Variants in XIRP2 observed in about 807,000 individuals in gnomAD.
XIRP2 encodes the protein xin actin binding repeat containing 2, also known as xin actin-binding repeat-containing protein 2.
XIRP2 carries 236 observed loss-of-function variants against 277.0 expected under a neutral mutation model. The ratio of observed to expected loss-of-function variants is 0.85; its 90% confidence interval spans 0.77 to 0.95. The LOEUF is 0.95. Ranked by LOEUF, XIRP2 falls within the 40% of genes least tolerant of loss-of-function variation. The probability of loss-of-function intolerance (pLI) is 0.00; values close to 1 mark genes in which losing one functional copy is unlikely to be tolerated. For synonymous variants in XIRP2, 1,490 were observed against 1,416.5 expected (o/e 1.05, Z -1.17); for missense variants, 4,640 against 4,157.5 (o/e 1.12, Z -3.19).
At chr2:166,977,976 C>T (rs571402397) in intron 2 of XIRP2, among the ~76,000 whole-genome samples, 1 of 152,230 alleles carries the variant, frequency 6.6e-6, no homozygotes, top group East Asian at 1.9e-4. Context: ...TACAAATTTA[C>T]AAGTATAAAT....
intron 2 of XIRP2, among the ~76,000 whole-genome samples, chr2:166,945,663 CTTTTTTT>C (rs71395267): frequency 7.2e-5 from 5 of 69,288 alleles, no homozygotes; most frequent in South Asian, 1.4e-3. Flanking sequence ...TAAGATAAAT[CTTTTTTT>C]TTTTTTTTTT....
At chr2:166,905,528 A>G (rs946827452) in intron 2 of XIRP2, among the ~76,000 whole-genome samples, 3 of 152,010 alleles carry the variant, frequency 2.0e-5, no homozygotes, top group Non-Finnish European at 2.9e-5. Flanking sequence ...AACCAGATAT[A>G]TTAAAACCAC....
At chr2:166,902,618 G>T (rs1485411621) in intron 1 of XIRP2, among the ~76,000 whole-genome samples, 2 of 151,850 alleles carry the variant, frequency 1.3e-5, no homozygotes, top group Non-Finnish European at 2.9e-5. Flanking sequence ...GTGTGTGTTT[G>T]TGTTTCTGGT....
chr2:167,013,045 T>C lies in XIRP2; in HGVS notation c.408+109155T>C, dbSNP rs1687725248. Among the ~76,000 whole-genome samples, 3 of 151,454 alleles carry C rather than the reference T, an allele frequency of 2.0e-5. No homozygotes were observed. The Admixed American group carries it at 2.0e-4, about 10-fold the overall frequency. The stretch of plus-strand genomic sequence containing the variant: ...TAAAAATTTATCAACCATCCTCCTT[T>C]TGCATTGAATCATGTGACAACTAAC... On this transcript the variant is annotated intron_variant, in intron 2 of 10. Transcript: ENST00000409195.
intron 2 of XIRP2, among the ~76,000 whole-genome samples, chr2:166,981,731 G>A (rs182215333): frequency 1.3e-5 from 2 of 152,232 alleles, no homozygotes; most frequent in African/African-American, 2.4e-5. Context: ...GACATCAGTC[G>A]TGATGGATTA....
chr2:167,019,463 A>T (rs1319902271), intron 2 of XIRP2, among the ~76,000 whole-genome samples: 1 of 151,980 alleles, frequency 6.6e-6, no homozygotes, highest in East Asian at 1.9e-4. Context: ...GAAGGGCTTG[A>T]CCTCTTTGCT....
intron 3 of XIRP2, among the ~76,000 whole-genome samples, chr2:167,183,193 T>C (rs1693065187): frequency 6.6e-6 from 1 of 152,170 alleles, no homozygotes; most frequent in African/African-American, 2.4e-5. Context: ...ATATCTTTCA[T>C]TGTAGACTAG....
intron 2 of XIRP2, among the ~76,000 whole-genome samples, chr2:166,936,295 G>T (rs928665106): frequency 2.6e-5 from 4 of 152,114 alleles, no homozygotes; most frequent in Non-Finnish European, 5.9e-5. Flanking sequence ...TGAGTTCTTT[G>T]TAGATTCTGG....
At chr2:167,227,578 G>A (rs1186868936) in intron 5 of XIRP2, among the ~76,000 whole-genome samples, 2 of 151,998 alleles carry the variant, frequency 1.3e-5, no homozygotes, top group Non-Finnish European at 2.9e-5. Context: ...CATGGTGGCT[G>A]TGCTTGTAGT....
rs764324140 is a variant in XIRP2 at position 167,258,328 on chromosome 2, A to G, written c.*511A>G. 3.7e-6 allele frequency: 6 copies of G among 1,613,452 alleles called. No homozygotes were observed. In the African/African-American group the frequency reaches 4.0e-5, roughly 11 times the overall value. On this transcript the variant is annotated 3_prime_UTR_variant, in exon 11 of 11. Transcript: ENST00000409195. ...CTCCAGAAAATAAAGGACAAAGACAAGATCACTTTCCATTTTTGCAGCCTT... is the reference window on the plus strand; with the variant it reads ...CTCCAGAAAATAAAGGACAAAGACAGGATCACTTTCCATTTTTGCAGCCTT...
intron 2 of XIRP2, among the ~76,000 whole-genome samples, chr2:167,076,971 C>G (rs1386505701): frequency 6.6e-6 from 1 of 151,998 alleles, no homozygotes; most frequent in Non-Finnish European, 1.5e-5. Context: ...CCTCAGGTTA[C>G]AGGCACATGC....
chr2:166,961,016 A>T (rs1204447963), intron 2 of XIRP2, among the ~76,000 whole-genome samples: 2 of 151,766 alleles, frequency 1.3e-5, no homozygotes, highest in Non-Finnish European at 2.9e-5. Context: ...TTAGCATAAC[A>T]TGAATATGAA....
chr2:167,237,128 G>A (rs988362809), intron 5 of XIRP2, among the ~76,000 whole-genome samples: 2 of 152,010 alleles, frequency 1.3e-5, no homozygotes, highest in African/African-American at 2.4e-5. Flanking sequence ...AGAAACTTAC[G>A]ACTTTAAACA....
chr2:166,937,703 T>C (rs2105376679), intron 2 of XIRP2, among the ~76,000 whole-genome samples: 1 of 152,308 alleles, frequency 6.6e-6, no homozygotes, highest in African/African-American at 2.4e-5. Flanking sequence ...TGGTAGAATT[T>C]GGCTGTGAAT....
In XIRP2 at chr2:167,200,986, T is replaced by C. The variant is rs531478565; in HGVS notation, c.563-9749T>C. On this transcript the variant is annotated intron_variant, in intron 3 of 10. Coordinates refer to ENST00000409195, the MANE Select transcript of XIRP2 (RefSeq NM_152381.6). Reference sequence around the variant, plus strand: ...ACTAAAACTACAAAAATTAGCCGGGTGTGGTGGCGGGTGCCTGTAATCCCA... The same window carrying C: ...ACTAAAACTACAAAAATTAGCCGGGCGTGGTGGCGGGTGCCTGTAATCCCA... Among the ~76,000 whole-genome samples, 7 of 151,524 alleles carry C rather than the reference T, an allele frequency of 4.6e-5. No homozygotes were observed. The South Asian group carries it at 8.4e-4, about 18-fold the overall frequency.
At chr2:167,224,089 G>C (rs1171463674) in intron 5 of XIRP2, among the ~76,000 whole-genome samples, 1 of 152,154 alleles carries the variant, frequency 6.6e-6, no homozygotes, top group Non-Finnish European at 1.5e-5. Context: ...GTGGCAGAAA[G>C]TGAGAGGGTC....
chr2:167,072,397 T>C (rs1689458991), intron 2 of XIRP2, among the ~76,000 whole-genome samples: 1 of 152,166 alleles, frequency 6.6e-6, no homozygotes, highest in Non-Finnish European at 1.5e-5. Context: ...CTCCACCTTC[T>C]GCCTGACTGA....
chr2:167,033,192 A>G (rs1445143922), intron 2 of XIRP2, among the ~76,000 whole-genome samples: 1 of 152,178 alleles, frequency 6.6e-6, no homozygotes, highest in Non-Finnish European at 1.5e-5. Flanking sequence ...ACACAGGAAC[A>G]GAAAACCAAA....
chr2:167,025,164 C>A (rs1260540379), intron 2 of XIRP2, among the ~76,000 whole-genome samples: 33 of 152,146 alleles, frequency 2.2e-4, no homozygotes, highest in South Asian at 2.1e-4. Flanking sequence ...GATTCAACTT[C>A]TTCCTGGTTT....
Sources: gnomAD v4.1 joint callset for allele counts (sites outside exome capture counted in the v4.1 genomes callset) on GRCh38, gnomAD v4.1.1 for gene constraint, MANE v1.5 for transcripts, NCBI Gene and HGNC (gene_info 2026-07-23, HGNC 2026-07-21) for gene names.